Variants in STARD3NL observed in about 807,000 individuals in gnomAD.
STARD3NL encodes STARD3 N-terminal-like protein.
STARD3NL carries 17 observed loss-of-function variants against 30.9 expected under a neutral mutation model. The ratio of observed to expected loss-of-function variants is 0.55; its 90% CI spans 0.38 to 0.82. The LOEUF (loss-of-function observed/expected upper bound fraction) is 0.82, where lower values mean the gene tolerates loss of function less well. Ranked by LOEUF, STARD3NL falls within the 40% of genes least tolerant of loss-of-function variation. The pLI, the probability that STARD3NL is intolerant of heterozygous loss-of-function variation, is 0.00. For missense variants in STARD3NL, 234 were observed against 277.6 expected, an observed-to-expected ratio of 0.84 and a Z score of 1.12; for synonymous variants, 112 against 100.5, an observed-to-expected ratio of 1.11 and a Z score of -0.69.
chr7:38,179,963 G>A (rs757322380), intron 1 of STARD3NL, among the ~76,000 whole-genome samples: 13 of 152,236 alleles, frequency 8.5e-5, no homozygotes, highest in Non-Finnish European at 1.9e-4. Context: ...AGCCCGTGTG[G>A]CTGGAGCTGA....
chr7:38,184,937 A>G (rs1483955912), intron 1 of STARD3NL, among the ~76,000 whole-genome samples: 1 of 151,568 alleles, frequency 6.6e-6, no homozygotes, highest in Non-Finnish European at 1.5e-5. Flanking sequence ...TGCTAGTTTC[A>G]AACTTTTATT....
At chr7:38,185,916 AT>A (rs1784440732) in intron 1 of STARD3NL, among the ~76,000 whole-genome samples, 1 of 152,174 alleles carries the variant, frequency 6.6e-6, no homozygotes, top group South Asian at 2.1e-4. Context: ...GATACTATTG[AT>A]TTTCAGATCT....
At chr7:38,207,335 G>A in intron 1 of STARD3NL, 112 bp from the exon 2 acceptor site, 1 of 602,040 alleles carries the variant, frequency 1.7e-6, no homozygotes. Flanking sequence ...ACATAAATCA[G>A]TCAAGGTACT....
At chr7:38,218,747 G>T (rs963740679) in intron 6 of STARD3NL, among the ~76,000 whole-genome samples, 12 of 152,112 alleles carry the variant, frequency 7.9e-5, no homozygotes, top group Non-Finnish European at 1.2e-4. Context: ...CTTAAGTGTT[G>T]GTGGCCTTGC....
At chr7:38,183,005 T>A (rs558493011) in intron 1 of STARD3NL, among the ~76,000 whole-genome samples, 22 of 152,360 alleles carry the variant, frequency 1.4e-4, no homozygotes, top group African/African-American at 5.3e-4. Context: ...AAGTATATTC[T>A]TGTTTGCTTT....
intron 1 of STARD3NL, among the ~76,000 whole-genome samples, chr7:38,197,233 ATTTT>A (rs57911268): frequency 9.7e-6 from 1 of 103,370 alleles, no homozygotes; most frequent in Non-Finnish European, 2.0e-5. Context: ...TCTTTCTTTC[ATTTT>A]TTTTTTCTTT....
intron 1 of STARD3NL, chr7:38,201,811 C>G (rs1785192263): frequency 6.6e-6 from 1 of 152,364 alleles, no homozygotes; most frequent in East Asian, 1.9e-4. Flanking sequence ...CCTCAGCATC[C>G]CAAGTAGCTG....
At chr7:38,199,343 A>G (rs954704276) in intron 1 of STARD3NL, among the ~76,000 whole-genome samples, 5 of 152,332 alleles carry the variant, frequency 3.3e-5, no homozygotes, top group African/African-American at 1.2e-4. Context: ...TCAGAAACAA[A>G]AACAAACAGT....
intron 1 of STARD3NL, among the ~76,000 whole-genome samples, chr7:38,195,144 G>A (rs1382856611): frequency 6.6e-6 from 1 of 152,080 alleles, no homozygotes; most frequent in South Asian, 2.1e-4. Context: ...TGCAACCTCT[G>A]CCTCCCTGTT....
intron 1 of STARD3NL, among the ~76,000 whole-genome samples, chr7:38,185,777 T>C (rs1784433743): frequency 6.6e-6 from 1 of 152,206 alleles, no homozygotes. Context: ...TATAGAAAGA[T>C]AGGTCTGGGG....
At chr7:38,199,392 A>C (rs1032521398) in intron 1 of STARD3NL, among the ~76,000 whole-genome samples, 51 of 152,288 alleles carry the variant, frequency 3.3e-4, no homozygotes, top group East Asian at 1.9e-4. Context: ...CTGAGAGCCT[A>C]CTCTCTGCTA....
intron 3 of STARD3NL, 94 bp from the exon 4 acceptor site, chr7:38,214,934 T>C (rs1002601912): frequency 1.8e-6 from 2 of 1,130,298 alleles, no homozygotes; most frequent in East Asian, 5.1e-5. Flanking sequence ...TCCAGCTAAA[T>C]CACAGTAATG....
intron 3 of STARD3NL, among the ~76,000 whole-genome samples, chr7:38,214,650 G>A (rs1785997000): frequency 6.6e-6 from 1 of 152,158 alleles, no homozygotes; most frequent in African/African-American, 2.4e-5. Context: ...TGACAGATAA[G>A]GGAGGGCAAC....
intron 1 of STARD3NL, among the ~76,000 whole-genome samples, chr7:38,206,191 A>G (rs1218789586): frequency 3.3e-5 from 5 of 152,166 alleles, no homozygotes; most frequent in East Asian, 3.9e-4. Flanking sequence ...TCTAAATTCT[A>G]TTTTATGGCT....
At position 38,207,644 on chromosome 7, in the gene STARD3NL, G is replaced by A. The variant is rs1350828875; in HGVS notation, c.140G>A (p.Gly47Asp). The A allele has an allele frequency of 1.9e-6, 3 of 1,613,948 alleles. No homozygotes were observed. The highest frequency in any genetic ancestry group is 2.5e-6 in the Non-Finnish European group (3 of 1,179,970). The change falls in exon 2 of 9, where the codon GGC becomes GAC. Residue 47 changes from glycine (G) to aspartate (D), a missense_variant. Transcript: ENST00000009041. ...IESYEGREKK[G>D]ISDVRRTFCL... ...TCCTATGAAGGAAGGGAAAAGAAAG[G>A]CATATCTGATGTCAGGAGGACTTTC...
At chr7:38,228,761 T>A in intron 7 of STARD3NL, 38 bp from the exon 8 acceptor site, 1 of 1,566,428 alleles carries the variant, frequency 6.4e-7, no homozygotes, top group South Asian at 1.1e-5. Context: ...TGTAATGGAA[T>A]GAAATACTTT....
At position 38,216,886 on chromosome 7, in the gene STARD3NL, A is replaced by C. The variant is rs190359627; in HGVS notation, c.382-139A>C. On this transcript the variant is annotated intron_variant, in intron 4 of 8. Transcript: ENST00000009041. ...GGGTCTAGGGGAGAGAGACTGAGTG[A>C]TATGGGAAGGAGCCAGGCTAGGCAC... 420 of 913,796 alleles carry C rather than the reference A, an allele frequency of 4.6e-4. 1 individual carries two copies. In the African/African-American group the frequency reaches 6.4e-3, roughly 14 times the overall value. The allele number at this position is 913,796 out of a possible 1,614,324, so 56.6% of individuals were successfully genotyped here. A position where few individuals can be genotyped will look rare whatever the true frequency, so the allele number is the denominator to read the frequency against.
chr7:38,220,821 A>G (rs550974653), intron 7 of STARD3NL, among the ~76,000 whole-genome samples: 1 of 152,332 alleles, frequency 6.6e-6, no homozygotes, highest in African/African-American at 2.4e-5. Flanking sequence ...AAGGAATGGA[A>G]AGCTGGGCAC....
intron 2 of STARD3NL, among the ~76,000 whole-genome samples, chr7:38,209,574 G>A (rs1218750349): frequency 3.3e-5 from 5 of 152,134 alleles, no homozygotes; most frequent in Admixed American, 3.3e-4. Context: ...GTGAGCCATC[G>A]CGCCTGGCCG....
Sources: gnomAD v4.1 joint callset for allele counts (sites outside exome capture counted in the v4.1 genomes callset) on GRCh38, gnomAD v4.1.1 for gene constraint, MANE v1.5 for transcripts, NCBI Gene and HGNC (gene_info 2026-07-23, HGNC 2026-07-21) for gene names.